The following VPS13B variants were observed in gnomAD, a reference collection of about 807,000 sequenced individuals.
The protein encoded by VPS13B is intermembrane lipid transfer protein VPS13B.
In VPS13B, 285 loss-of-function variants were observed where a neutral mutation model predicts 426.4. The ratio of observed to expected loss-of-function variants is 0.67; its 90% CI spans 0.61 to 0.74. The LOEUF (loss-of-function observed/expected upper bound fraction) is 0.74, where lower values mean the gene tolerates loss of function less well. VPS13B is among the 30% of genes least tolerant of loss of function. The pLI is 0.00. For missense variants in VPS13B, 4,537 were observed against 4,782.6 expected (o/e 0.95, Z 1.51); for synonymous variants, 1,676 against 1,676.4 (o/e 1.00, Z 0.01).
chr8:99,433,181 C>T (rs916802012), intron 22 of VPS13B, among the ~76,000 whole-genome samples: 1 of 152,292 alleles, frequency 6.6e-6, no homozygotes, highest in African/African-American at 2.4e-5. Flanking sequence ...GCTGCACTGC[C>T]CTTCAGCAGG....
At chr8:99,540,060 TA>T (rs1823525954) in intron 30 of VPS13B, among the ~76,000 whole-genome samples, 4 of 5,612 alleles carry the variant, frequency 7.1e-4, no homozygotes, top group Non-Finnish European at 1.2e-3. Flanking sequence ...TATATATATA[TA>T]TATTTTTTTT....
intron 57 of VPS13B, 49 bp from the exon 58 acceptor site, chr8:99,861,727 C>G (rs1366217524): frequency 6.4e-7 from 1 of 1,561,088 alleles, no homozygotes; most frequent in East Asian, 2.4e-5. Flanking sequence ...GCCTTGGGGT[C>G]CATCATGTAT....
At chr8:99,297,051 G>T (rs553662866) in intron 19 of VPS13B, among the ~76,000 whole-genome samples, 1 of 151,896 alleles carries the variant, frequency 6.6e-6, no homozygotes, top group South Asian at 2.1e-4. Context: ...AAGACATCTC[G>T]TGTACTCATG....
intron 19 of VPS13B, among the ~76,000 whole-genome samples, chr8:99,328,009 A>G (rs1412058257): frequency 2.0e-5 from 3 of 152,200 alleles, no homozygotes; most frequent in African/African-American, 7.2e-5. Context: ...TGTTGGCCAT[A>G]GGCCAAAATG....
intron 31 of VPS13B, among the ~76,000 whole-genome samples, chr8:99,573,722 G>A (rs1825612266): frequency 6.6e-6 from 1 of 152,188 alleles, no homozygotes; most frequent in African/African-American, 2.4e-5. Flanking sequence ...ATAGTTTGAA[G>A]TCAGGTAGCG....
At position 99,819,424 on chromosome 8, in the gene VPS13B, T is replaced by C. The variant is rs1814236636; in HGVS notation, c.8634T>C (p.Asp2878=). 1 of 1,613,858 alleles carries C rather than the reference T, an allele frequency of 6.2e-7. No homozygotes were observed. The highest frequency in any genetic ancestry group is 8.5e-7 in the Non-Finnish European group (1 of 1,179,806). The stretch of plus-strand genomic sequence containing the variant: ...TTCAATTTCCTAGAGAAGAATATGA[T>C]CCTTCAGATTGTGCAGTTCCCATCT... ...HLTFQAREEY[D]PSDCAVPIST... is the part of the protein sequence containing the mutation. The change falls in exon 48 of 62, where the codon GAT becomes GAC. Residue 2878 remains aspartate (D), a synonymous_variant. Coordinates refer to ENST00000357162, the MANE Select transcript of VPS13B (RefSeq NM_152564.5).
At chr8:99,855,078 A>C (rs978608187) in intron 56 of VPS13B, among the ~76,000 whole-genome samples, 1 of 152,180 alleles carries the variant, frequency 6.6e-6, no homozygotes, top group Non-Finnish European at 1.5e-5. Context: ...ACTACTGTGT[A>C]CTAGCAACTG....
At chr8:99,265,174 A>T (rs7011936) in intron 17 of VPS13B, among the ~76,000 whole-genome samples, 125,385 of 152,096 alleles carry the variant, frequency 0.82, 52,187 homozygotes, top group South Asian at 0.89. Flanking sequence ...TGTTCCTTTT[A>T]TTATGTTTTA....
intron 40 of VPS13B, among the ~76,000 whole-genome samples, chr8:99,768,420 T>A (rs953646122): frequency 2.0e-5 from 3 of 152,262 alleles, no homozygotes; most frequent in Non-Finnish European, 4.4e-5. Flanking sequence ...CCACTTTGTA[T>A]TCCAGTTCCT....
intron 23 of VPS13B, among the ~76,000 whole-genome samples, chr8:99,463,865 T>G (rs1010088607): frequency 6.6e-6 from 1 of 152,082 alleles, no homozygotes; most frequent in Non-Finnish European, 1.5e-5. Flanking sequence ...GCTAATTTTT[T>G]TGTATTTTTA....
In VPS13B at chr8:99,115,883, A is replaced by C; in HGVS notation, c.937+9A>C. 3 of 1,608,778 alleles carry C rather than the reference A, an allele frequency of 1.9e-6. No individual in the cohort carries two copies. The highest frequency in any genetic ancestry group is 4.5e-5 in the East Asian group (2 of 44,714). On this transcript the variant is annotated intron_variant, in intron 7 of 61. Coordinates refer to ENST00000357162, the MANE Select transcript of VPS13B (RefSeq NM_152564.5). Reference sequence around the variant, plus strand: ...GCTAGGAAACATTACAGGTAATGTAAAACTTTATTAAACAAAAACTTTATT... The same window carrying C: ...GCTAGGAAACATTACAGGTAATGTACAACTTTATTAAACAAAAACTTTATT...
At chr8:99,121,945 G>A (rs903713965) in intron 8 of VPS13B, among the ~76,000 whole-genome samples, 6 of 145,842 alleles carry the variant, frequency 4.1e-5, no homozygotes, top group African/African-American at 1.3e-4. Context: ...TCTGCCTCCC[G>A]GGCTCAAGAC....
chr8:99,813,657 G>A (rs996305118), intron 44 of VPS13B, among the ~76,000 whole-genome samples: 2 of 152,182 alleles, frequency 1.3e-5, no homozygotes, highest in Non-Finnish European at 2.9e-5. Flanking sequence ...AGAGTATCTA[G>A]GGGAAATACA....
chr8:99,311,147 G>T (rs982000181), intron 19 of VPS13B, among the ~76,000 whole-genome samples: 1 of 152,032 alleles, frequency 6.6e-6, no homozygotes, highest in Non-Finnish European at 1.5e-5. Flanking sequence ...TTTTTTGAAG[G>T]GTGTTTTGTG....
intron 33 of VPS13B, among the ~76,000 whole-genome samples, chr8:99,587,451 T>C (rs966756505): frequency 2.0e-5 from 3 of 151,640 alleles, no homozygotes; most frequent in Non-Finnish European, 2.9e-5. Flanking sequence ...AGTGTAAAAG[T>C]GTTCCTATTT....
intron 35 of VPS13B, among the ~76,000 whole-genome samples, chr8:99,665,985 T>C (rs892478997): frequency 7.2e-5 from 11 of 152,298 alleles, no homozygotes; most frequent in South Asian, 6.2e-4. Flanking sequence ...TGTATCCTCT[T>C]TTATTTCATT....
chr8:99,528,509 G>A (rs1037246397), intron 30 of VPS13B, among the ~76,000 whole-genome samples: 3 of 151,992 alleles, frequency 2.0e-5, no homozygotes, highest in African/African-American at 7.2e-5. Flanking sequence ...CAATTACATT[G>A]TAATTTCATT....
At chr8:99,874,017 G>A (rs1432627488) in intron 61 of VPS13B, among the ~76,000 whole-genome samples, 1 of 152,190 alleles carries the variant, frequency 6.6e-6, no homozygotes, top group Admixed American at 6.5e-5. Flanking sequence ...ATTTAAATAT[G>A]GCAGGATTGA....
Position 99,467,573 on chromosome 8 carries a change from C to G in VPS13B, c.3605C>G (p.Ser1202Ter). The G allele has an allele frequency of 6.2e-7, 1 of 1,613,818 alleles. No individual in the cohort carries two copies. The highest frequency in any genetic ancestry group is 8.5e-7 in the Non-Finnish European group (1 of 1,179,828). ...GCTACGGGACCTGATACACGACATT[C>G]ATTTGTTGTCTGTCTCCATGTTGAC... ...LLATGPDTRH[S>*]FVVCLHVDLE... Residue 1202 changes from serine to a stop codon, truncating the protein, a stop_gained, in exon 24 of 62, where the codon TCA becomes TGA. Coordinates refer to ENST00000357162, the MANE Select transcript of VPS13B (RefSeq NM_152564.5). LOFTEE classifies it high-confidence loss of function.
Sources: gnomAD v4.1 joint callset for allele counts (sites outside exome capture counted in the v4.1 genomes callset) on GRCh38, gnomAD v4.1.1 for gene constraint, MANE v1.5 for transcripts, NCBI Gene and HGNC (gene_info 2026-07-23, HGNC 2026-07-21) for gene names.